Variants in MEGF9 observed in about 807,000 individuals in gnomAD.
The protein encoded by MEGF9 is multiple epidermal growth factor-like domains protein 9.
MEGF9 carries 6 observed loss-of-function variants against 46.8 expected under a neutral mutation model. That is an observed-to-expected ratio of 0.13 (90% CI 0.07 to 0.25). MEGF9 has a LOEUF of 0.25. Ranked by LOEUF, MEGF9 falls within the 10% of genes least tolerant of loss-of-function variation. MEGF9 has a pLI of 1.00. For missense variants in MEGF9, 683 were observed against 792.4 expected (o/e 0.86, Z 1.66); for synonymous variants, 302 against 330.7 (o/e 0.91, Z 0.94).
intron 2 of MEGF9, among the ~76,000 whole-genome samples, chr9:120,635,434 C>G (rs1011107465): frequency 6.6e-6 from 1 of 152,194 alleles, no homozygotes; most frequent in Non-Finnish European, 1.5e-5. Flanking sequence ...CCCTAGAACT[C>G]TCACAATACA....
intron 1 of MEGF9, among the ~76,000 whole-genome samples, chr9:120,665,037 T>C (rs1367832101): frequency 6.6e-6 from 1 of 152,190 alleles, no homozygotes; most frequent in Non-Finnish European, 1.5e-5. Flanking sequence ...TTCTCTCTTC[T>C]AGCTTTTTGA....
chr9:120,707,136 G>A (rs1193905291), intron 1 of MEGF9, among the ~76,000 whole-genome samples: 4 of 152,148 alleles, frequency 2.6e-5, no homozygotes, highest in African/African-American at 9.7e-5. Context: ...AACTAACTTA[G>A]TAGTTCCTGT....
intron 1 of MEGF9, among the ~76,000 whole-genome samples, chr9:120,665,052 ATAGAG>A (rs201964904): frequency 0.011 from 1,626 of 152,342 alleles, 30 homozygotes; most frequent in African/African-American, 0.034. Flanking sequence ...TTTTGAAAAT[ATAGAG>A]TAAATTACAG....
chr9:120,613,609 A>T (rs2132299859), intron 3 of MEGF9, among the ~76,000 whole-genome samples: 1 of 152,326 alleles, frequency 6.6e-6, no homozygotes, highest in Non-Finnish European at 1.5e-5. Context: ...AAACAAAGTT[A>T]GGTTTTGTAA....
rs58019064 is a variant in MEGF9 at position 120,612,925 on chromosome 9, C to CT, written c.944-387dup. 4.2e-3 allele frequency among the ~76,000 whole-genome samples: 567 copies of CT among 135,148 alleles called. 8 individuals carry two copies. The East Asian group carries it at 0.051, about 12-fold the overall frequency. The allele number at this position is 135,148 out of a possible 152,430, so 88.7% of individuals were successfully genotyped here. A position where few individuals can be genotyped will look rare whatever the true frequency, so the allele number is the denominator to read the frequency against. On this transcript the variant is annotated intron_variant, in intron 3 of 5. Coordinates refer to ENST00000373930, the MANE Select transcript of MEGF9 (RefSeq NM_001080497.3). ...CATACATGCATGAACATGCACAAATCTTTTTTTTTTTTTTTTTTTTAGAGA... is the reference window on the plus strand; with the variant it reads ...CATACATGCATGAACATGCACAAATCTTTTTTTTTTTTTTTTTTTTTAGAGA...
chr9:120,693,104 T>C (rs999353109), intron 1 of MEGF9, among the ~76,000 whole-genome samples: 4 of 152,122 alleles, frequency 2.6e-5, no homozygotes, highest in East Asian at 1.9e-4. Flanking sequence ...CCTTATTTTG[T>C]ATAACAGAAA....
chr9:120,674,499 G>A (rs1447379449), intron 1 of MEGF9, among the ~76,000 whole-genome samples: 1 of 151,388 alleles, frequency 6.6e-6, no homozygotes, highest in Non-Finnish European at 1.5e-5. Context: ...ACAATGCTGA[G>A]GAAGTAGAAC....
At position 120,666,914 on chromosome 9, in the gene MEGF9, C is replaced by G. The variant is rs186194952; in HGVS notation, c.602-7339G>C. 1.3e-3 allele frequency among the ~76,000 whole-genome samples: 191 copies of G among 152,070 alleles called. 2 individuals carry two copies. Among genetic ancestry groups the G allele is most frequent in the Middle Eastern group, 6.8e-3 (2 of 294 alleles). On this transcript the variant is annotated intron_variant, in intron 1 of 5. Coordinates refer to ENST00000373930, the MANE Select transcript of MEGF9 (RefSeq NM_001080497.3). Reference sequence around the variant, plus strand: ...GGAAGAGAACAGATCAGGGGTTTGCCAGGAGCTGGGGGCAGGAGGGAAGGG... The same window carrying G: ...GGAAGAGAACAGATCAGGGGTTTGCGAGGAGCTGGGGGCAGGAGGGAAGGG...
At chr9:120,711,085 T>C (rs1397894187) in intron 1 of MEGF9, among the ~76,000 whole-genome samples, 1 of 152,232 alleles carries the variant, frequency 6.6e-6, no homozygotes, top group Non-Finnish European at 1.5e-5. Flanking sequence ...TATTACTCAA[T>C]CCAGCTTTAC....
chr9:120,651,737 C>T (rs923983638), intron 2 of MEGF9, among the ~76,000 whole-genome samples: 3 of 151,296 alleles, frequency 2.0e-5, no homozygotes, highest in Admixed American at 1.3e-4. Context: ...ACTGCAACCT[C>T]CGCCTCCCCG....
At position 120,683,269 on chromosome 9, in the gene MEGF9, A is replaced by G. The variant is rs959150689; in HGVS notation, c.602-23694T>C. On this transcript the variant is annotated intron_variant, in intron 1 of 5. Coordinates refer to ENST00000373930, the MANE Select transcript of MEGF9 (RefSeq NM_001080497.3). ...TACTAAGGAATATGCATTTTTACAT[A>G]GTTCAAAATTCATTCTGATTTACCC... Among the ~76,000 whole-genome samples, 3 of 152,218 alleles carry G rather than the reference A, an allele frequency of 2.0e-5. No homozygotes were observed. In the East Asian group the frequency reaches 5.8e-4, roughly 29 times the overall value.
At chr9:120,689,610 A>G (rs1219487596) in intron 1 of MEGF9, among the ~76,000 whole-genome samples, 2 of 152,194 alleles carry the variant, frequency 1.3e-5, no homozygotes, top group Non-Finnish European at 2.9e-5. Flanking sequence ...GCATGTTATT[A>G]TGACCACAGG....
intron 3 of MEGF9, among the ~76,000 whole-genome samples, chr9:120,617,057 A>G (rs1353379995): frequency 2.0e-5 from 3 of 150,924 alleles, no homozygotes; most frequent in African/African-American, 7.4e-5. Context: ...TCTGCCTGGA[A>G]CCCCCCAAAA....
intron 1 of MEGF9, among the ~76,000 whole-genome samples, chr9:120,698,479 A>C (rs562866601): frequency 6.6e-6 from 1 of 152,358 alleles, no homozygotes; most frequent in African/African-American, 2.4e-5. Context: ...TGCCTCAAGC[A>C]TATTGTTACT....
intron 2 of MEGF9, among the ~76,000 whole-genome samples, chr9:120,633,553 T>G (rs1191880871): frequency 6.6e-6 from 1 of 152,078 alleles, no homozygotes; most frequent in Non-Finnish European, 1.5e-5. Context: ...AACTTTTTAT[T>G]TAGCTGATTT....
At chr9:120,711,334 T>C (rs1023689627) in intron 1 of MEGF9, among the ~76,000 whole-genome samples, 1 of 152,092 alleles carries the variant, frequency 6.6e-6, no homozygotes, top group African/African-American at 2.4e-5. Flanking sequence ...ATACCGATAT[T>C]TTTTTTAAAA....
chr9:120,617,426 C>G (rs2132301634), intron 3 of MEGF9, among the ~76,000 whole-genome samples: 1 of 152,202 alleles, frequency 6.6e-6, no homozygotes, highest in East Asian at 1.9e-4. Flanking sequence ...CTTTATAGAA[C>G]AAAAGGCAAG....
chr9:120,636,963 T>C (rs369084893), intron 2 of MEGF9, among the ~76,000 whole-genome samples: 4 of 152,328 alleles, frequency 2.6e-5, no homozygotes, highest in African/African-American at 7.2e-5. Flanking sequence ...GAATGGGCCA[T>C]GATGACCATG....
At chr9:120,675,391 G>A (rs2043768258) in intron 1 of MEGF9, among the ~76,000 whole-genome samples, 1 of 152,006 alleles carries the variant, frequency 6.6e-6, no homozygotes, top group Non-Finnish European at 1.5e-5. Context: ...TTCAATACTA[G>A]CCTGGGCAAC....
Sources: allele counts gnomAD v4.1 joint callset (sites outside exome capture counted in the v4.1 genomes callset), GRCh38; gene constraint gnomAD v4.1.1; transcripts MANE v1.5; gene names NCBI Gene and HGNC (gene_info 2026-07-23, HGNC 2026-07-21).